PIK3C2G: variants seen among roughly 807,000 people sequenced by gnomAD.
PIK3C2G encodes the protein phosphatidylinositol 3-kinase C2 domain-containing subunit gamma.
A neutral mutation model predicts 181.1 loss-of-function variants in PIK3C2G; 168 were observed. That is an observed-to-expected ratio of 0.93 (90% CI 0.82 to 1.05). The LOEUF (loss-of-function observed/expected upper bound fraction) is 1.05. PIK3C2G is among the 50% of genes least tolerant of loss of function. The pLI, the probability that PIK3C2G is intolerant of heterozygous loss-of-function variation, is 0.00. For synonymous variants in PIK3C2G, 573 were observed against 592.2 expected (o/e 0.97, Z 0.47); for missense variants, 1,869 against 1,732.8 (o/e 1.08, Z -1.40).
intron 29 of PIK3C2G, among the ~76,000 whole-genome samples, chr12:18,579,626 G>A (rs1946395478): frequency 6.6e-6 from 1 of 152,038 alleles, no homozygotes; most frequent in Admixed American, 6.6e-5. Context: ...CTCTTCTGAT[G>A]GAGTTGATCA....
the PIK3C2G span, among the ~76,000 whole-genome samples, chr12:18,672,082 G>A: frequency 6.6e-6 from 1 of 152,044 alleles, no homozygotes; most frequent in African/African-American, 2.4e-5. Context: ...GAATTTTATG[G>A]GGACACAAAC....
intron 5 of PIK3C2G, among the ~76,000 whole-genome samples, chr12:18,303,111 TTTCC>T (rs370029221): frequency 0.05 from 4,755 of 95,530 alleles, 105 homozygotes; most frequent in Non-Finnish European, 0.062. Flanking sequence ...TCTTTCTTTC[TTTCC>T]TTCTTTCTTT....
intron 17 of PIK3C2G, among the ~76,000 whole-genome samples, chr12:18,422,929 C>G (rs1232749768): frequency 6.6e-6 from 1 of 152,066 alleles, no homozygotes; most frequent in African/African-American, 2.4e-5. Context: ...CTTCTATAGT[C>G]AGACAGCATC....
chr12:18,700,130 TTAAGA>T, the PIK3C2G span, among the ~76,000 whole-genome samples: 9 of 152,134 alleles, frequency 5.9e-5, no homozygotes, highest in Non-Finnish European at 1.2e-4. Flanking sequence ...ATATTTAATG[TTAAGA>T]TAAGCTAGCT....
intron 1 of PIK3C2G, among the ~76,000 whole-genome samples, chr12:18,279,542 TG>T (rs1313888133): frequency 1.3e-5 from 2 of 152,010 alleles, no homozygotes; most frequent in Non-Finnish European, 2.9e-5. Context: ...TAGCTACATT[TG>T]CCATAATAAA....
At chr12:18,474,132 C>G (rs55640331) in intron 18 of PIK3C2G, among the ~76,000 whole-genome samples, 21,356 of 152,050 alleles carry the variant, frequency 0.14, 1,622 homozygotes, top group African/African-American at 0.19. Context: ...CACACATTCA[C>G]TAGGTACTGT....
At chr12:18,266,572 G>A (rs1308972717) in intron 1 of PIK3C2G, among the ~76,000 whole-genome samples, 3 of 152,026 alleles carry the variant, frequency 2.0e-5, no homozygotes, top group Non-Finnish European at 4.4e-5. Flanking sequence ...AAAATTTTGT[G>A]GCCGGATGCA....
the PIK3C2G span, among the ~76,000 whole-genome samples, chr12:18,713,563 G>C: frequency 5.3e-5 from 8 of 152,102 alleles, no homozygotes; most frequent in African/African-American, 1.9e-4. Flanking sequence ...AGAGGGCCTG[G>C]TGAATCAGCA....
chr12:18,717,386 A>G, the PIK3C2G span, among the ~76,000 whole-genome samples: 710 of 152,304 alleles, frequency 4.7e-3, 8 homozygotes, highest in African/African-American at 0.017. Flanking sequence ...AGAAGCAGCA[A>G]TATTTACTTG....
the PIK3C2G span, among the ~76,000 whole-genome samples, chr12:18,655,278 A>C: frequency 2.0e-5 from 3 of 152,190 alleles, no homozygotes; most frequent in African/African-American, 7.2e-5. Flanking sequence ...AAGGAAAAAA[A>C]TATTCCCAAA....
the PIK3C2G span, chr12:18,695,146 T>C: frequency 1.4e-6 from 2 of 1,455,266 alleles, no homozygotes; most frequent in Non-Finnish European, 1.9e-6. Context: ...CACAAACCAC[T>C]TACTGAAATC....
At chr12:18,622,385 ATTTCT>A (rs373064239) in intron 31 of PIK3C2G, among the ~76,000 whole-genome samples, 220 of 151,980 alleles carry the variant, frequency 1.4e-3, no homozygotes, top group African/African-American at 5.0e-3. Context: ...AAATGACAGA[ATTTCT>A]TTTCTTTTGA....
chr12:18,457,703 T>C (rs1319583623), intron 18 of PIK3C2G, among the ~76,000 whole-genome samples: 1 of 152,152 alleles, frequency 6.6e-6, no homozygotes, highest in Non-Finnish European at 1.5e-5. Context: ...AGGCCACATC[T>C]TTTATTCTAG....
intron 30 of PIK3C2G, among the ~76,000 whole-genome samples, chr12:18,608,091 C>T (rs1397442380): frequency 6.6e-6 from 1 of 152,054 alleles, no homozygotes; most frequent in African/African-American, 2.4e-5. Context: ...GAAATAGGAA[C>T]ACTTTTACAC....
chr12:18,666,414 A>G, the PIK3C2G span, among the ~76,000 whole-genome samples: 19 of 152,246 alleles, frequency 1.2e-4, no homozygotes, highest in East Asian at 3.7e-3. Context: ...AATAGTCTCA[A>G]AAAGAGCTGG....
chr12:18,454,532 A>G (rs773128567), intron 18 of PIK3C2G, among the ~76,000 whole-genome samples: 1 of 152,148 alleles, frequency 6.6e-6, no homozygotes, highest in African/African-American at 2.4e-5. Flanking sequence ...AAGATCATGC[A>G]GGGTCTTGTG....
chr12:18,716,649 T>C, the PIK3C2G span, among the ~76,000 whole-genome samples: 1 of 152,232 alleles, frequency 6.6e-6, no homozygotes, highest in South Asian at 2.1e-4. Flanking sequence ...ATAGTCTCCA[T>C]GCCTTCTAGA....
intron 8 of PIK3C2G, among the ~76,000 whole-genome samples, chr12:18,337,682 G>A (rs543431585): frequency 6.6e-6 from 1 of 152,210 alleles, no homozygotes; most frequent in East Asian, 1.9e-4. Context: ...AGAACTCACT[G>A]ACTACTGCAA....
chr12:18,598,186 G>C (rs1947484211), intron 30 of PIK3C2G, among the ~76,000 whole-genome samples: 1 of 151,844 alleles, frequency 6.6e-6, no homozygotes, highest in South Asian at 2.1e-4. Flanking sequence ...AGCCCGCGTT[G>C]CCAAGTCAAT....
Sources: allele counts gnomAD v4.1 joint callset (sites outside exome capture counted in the v4.1 genomes callset), GRCh38; gene constraint gnomAD v4.1.1; transcripts MANE v1.5; gene names NCBI Gene and HGNC (gene_info 2026-07-23, HGNC 2026-07-21).